Variants in GPR39 observed in about 807,000 individuals in gnomAD.
The protein encoded by GPR39 is zinc sensing receptor.
Under a neutral mutation model 18.4 loss-of-function variants are expected in GPR39, and 23 were observed. The observed-to-expected ratio is 1.25, with a 90% CI of 0.90 to 1.77. The LOEUF is 1.77. Ranked by LOEUF, GPR39 falls within the 40% of genes most tolerant of loss-of-function variation. The probability of loss-of-function intolerance (pLI) is 0.00; values close to 1 mark genes in which losing one functional copy is unlikely to be tolerated. For missense variants in GPR39, 647 were observed against 602.4 expected, an observed-to-expected ratio of 1.07 and a Z score of -0.78; for synonymous variants, 280 against 257.9, an observed-to-expected ratio of 1.09 and a Z score of -0.82.
intron 1 of GPR39, among the ~76,000 whole-genome samples, chr2:132,514,478 C>A (rs1372582374): frequency 3.9e-5 from 6 of 152,200 alleles, no homozygotes; most frequent in Admixed American, 2.6e-4. Flanking sequence ...CTACATCTTT[C>A]CCACCTCACC....
intron 1 of GPR39, among the ~76,000 whole-genome samples, chr2:132,586,995 C>A (rs1680741794): frequency 6.6e-6 from 1 of 152,228 alleles, no homozygotes; most frequent in Admixed American, 6.5e-5. Flanking sequence ...ATCTCTCATA[C>A]TGTATCAAGA....
At chr2:132,476,750 CT>C (rs1305534483) in intron 1 of GPR39, among the ~76,000 whole-genome samples, 1 of 151,156 alleles carries the variant, frequency 6.6e-6, no homozygotes, top group African/African-American at 2.4e-5. Flanking sequence ...GCATATGATG[CT>C]TTATCAAGCT....
intron 1 of GPR39, among the ~76,000 whole-genome samples, chr2:132,623,562 G>A (rs1028954982): frequency 1.5e-4 from 23 of 152,168 alleles, no homozygotes; most frequent in African/African-American, 2.4e-4. Flanking sequence ...TTCAAAAAGC[G>A]AAGGCAAAAA....
intron 1 of GPR39, among the ~76,000 whole-genome samples, chr2:132,644,047 C>A (rs532302722): frequency 2.6e-4 from 39 of 152,164 alleles, no homozygotes; most frequent in African/African-American, 9.2e-4. Flanking sequence ...TGGCTCCTTA[C>A]GAAAAGAGAG....
At chr2:132,618,298 T>G (rs1045606632) in intron 1 of GPR39, among the ~76,000 whole-genome samples, 1 of 152,236 alleles carries the variant, frequency 6.6e-6, no homozygotes, top group Non-Finnish European at 1.5e-5. Context: ...GAGATCAATT[T>G]GCTGGATTTT....
intron 1 of GPR39, among the ~76,000 whole-genome samples, chr2:132,454,266 T>G (rs368892302): frequency 2.0e-5 from 3 of 152,172 alleles, no homozygotes; most frequent in South Asian, 2.1e-4. Context: ...GTTCACTCAT[T>G]ATTTGGCTCT....
At chr2:132,645,011 G>A (rs1452754762) in intron 1 of GPR39, 90 bp from the exon 2 acceptor site, 4 of 1,439,954 alleles carry the variant, frequency 2.8e-6, no homozygotes, top group South Asian at 1.4e-5. Context: ...GAACAGAGGG[G>A]CTAAATATTT....
intron 1 of GPR39, among the ~76,000 whole-genome samples, chr2:132,575,934 C>T (rs1680521676): frequency 6.6e-6 from 1 of 152,078 alleles, no homozygotes; most frequent in African/African-American, 2.4e-5. Context: ...CCAGAGGACT[C>T]CTTCTAACAT....
intron 1 of GPR39, among the ~76,000 whole-genome samples, chr2:132,507,055 TG>T (rs1251548193): frequency 1.3e-5 from 2 of 152,074 alleles, no homozygotes; most frequent in African/African-American, 2.4e-5. Flanking sequence ...AATCCACAAA[TG>T]GATTAATCCA....
intron 1 of GPR39, among the ~76,000 whole-genome samples, chr2:132,575,543 G>T (rs1680515636): frequency 6.6e-6 from 1 of 152,142 alleles, no homozygotes; most frequent in African/African-American, 2.4e-5. Flanking sequence ...TTCCAGAGTG[G>T]TTGTACCATA....
chr2:132,448,526 G>A (rs1181952397), intron 1 of GPR39, among the ~76,000 whole-genome samples: 8 of 152,192 alleles, frequency 5.3e-5, no homozygotes, highest in Admixed American at 3.3e-4. Flanking sequence ...TCAAACACAC[G>A]TCAGCGGCTG....
At chr2:132,449,537 G>A (rs529803309) in intron 1 of GPR39, among the ~76,000 whole-genome samples, 5 of 152,274 alleles carry the variant, frequency 3.3e-5, no homozygotes, top group South Asian at 2.1e-4. Flanking sequence ...ATGAGCCACC[G>A]TGCCTGGCCT....
intron 1 of GPR39, among the ~76,000 whole-genome samples, chr2:132,523,156 C>T (rs1463836775): frequency 6.6e-6 from 1 of 152,162 alleles, no homozygotes; most frequent in Admixed American, 6.5e-5. Flanking sequence ...ATTTCACAAA[C>T]CAGACATTAC....
At chr2:132,461,892 A>G (rs1489448928) in intron 1 of GPR39, among the ~76,000 whole-genome samples, 1 of 152,194 alleles carries the variant, frequency 6.6e-6, no homozygotes, top group African/African-American at 2.4e-5. Flanking sequence ...CCCCACACAC[A>G]TTAGTGAGAA....
intron 1 of GPR39, among the ~76,000 whole-genome samples, chr2:132,639,911 C>A (rs1573713191): frequency 1.3e-5 from 2 of 151,720 alleles, no homozygotes; most frequent in South Asian, 2.1e-4. Context: ...TGGAAAAAAA[C>A]CCTAAAATTA....
chr2:132,422,045 TATTA>T (rs775663572), intron 1 of GPR39, among the ~76,000 whole-genome samples: 27 of 152,352 alleles, frequency 1.8e-4, no homozygotes, highest in South Asian at 4.1e-4. Context: ...TACAACTATA[TATTA>T]ATTCTTATAA....
chr2:132,625,096 C>T (rs1339759975), intron 1 of GPR39, among the ~76,000 whole-genome samples: 1 of 149,120 alleles, frequency 6.7e-6, no homozygotes, highest in African/African-American at 2.5e-5. Flanking sequence ...TTTGCTTCTA[C>T]ATGGCTTTTT....
chr2:132,466,787 A>C (rs1680934780), intron 1 of GPR39, among the ~76,000 whole-genome samples: 1 of 152,110 alleles, frequency 6.6e-6, no homozygotes, highest in South Asian at 2.1e-4. Flanking sequence ...TTTATTGCAA[A>C]TGTGTAGAGG....
intron 1 of GPR39, among the ~76,000 whole-genome samples, chr2:132,543,207 G>T (rs3115030): frequency 1.4e-4 from 22 of 152,276 alleles, no homozygotes; most frequent in African/African-American, 5.3e-4. Context: ...GCAGGTTTCT[G>T]GTTGCCCCTT....
Sources: gnomAD v4.1 joint callset for allele counts (sites outside exome capture counted in the v4.1 genomes callset) on GRCh38, gnomAD v4.1.1 for gene constraint, MANE v1.5 for transcripts, NCBI Gene and HGNC (gene_info 2026-07-23, HGNC 2026-07-21) for gene names.